The following TCHH variants were observed in gnomAD, a reference collection of about 807,000 sequenced individuals.
The protein encoded by TCHH is trichohyalin.
Under a neutral mutation model 6.3 loss-of-function variants are expected in TCHH, and 6 were observed. The observed-to-expected ratio is 0.95, with a 90% CI of 0.52 to 1.88. The LOEUF is 1.88. TCHH is among the 40% of genes most tolerant of loss of function. The pLI is 0.01. For synonymous variants in TCHH, 1,087 were observed against 963.6 expected (o/e 1.13, Z -2.37); for missense variants, 2,920 against 2,449.1 (o/e 1.19, Z -4.06).
At position 152,111,445 on chromosome 1, in the gene TCHH, T is replaced by A. The variant is rs776388579; in HGVS notation, c.1772A>T (p.Lys591Met). The A allele has an allele frequency of 1.3e-6, 2 of 1,596,294 alleles. No individual in the cohort carries two copies. Among genetic ancestry groups the A allele is most frequent in the South Asian group, 2.2e-5 (2 of 90,258 alleles). Residue 591 changes from lysine to methionine, a missense_variant, in exon 3 of 3, where the codon AAG (lysine) becomes ATG (methionine). By Grantham distance (95) the Lys-to-Met change is moderately conservative. Coordinates refer to ENST00000614923, the MANE Select transcript of TCHH (RefSeq NM_007113.4). ...CTCGAGCCTCTCTTCCTGCTCGCGC[T>A]TCAGCCGCTGCTGGCGCCTCTCCTC... ...REEERRQQRL[K>M]REQEERLEQR... is the part of the protein sequence containing the mutation.
chr1:152,114,891 A>G (rs1658473550), intron 1 of TCHH, among the ~76,000 whole-genome samples: 1 of 152,250 alleles, frequency 6.6e-6, no homozygotes, highest in Admixed American at 6.5e-5. Flanking sequence ...CAAATGCATC[A>G]TTGGAATCTT....
rs1237004081 is a variant in TCHH, at chr1:152,110,635, T to C, written c.2582A>G (p.Glu861Gly). 1 of 1,613,236 alleles carries C rather than the reference T, an allele frequency of 6.2e-7. No homozygotes were observed. The highest frequency in any genetic ancestry group is 2.2e-5 in the East Asian group (1 of 44,796). ...EEEDGLQEDQERRRSQEQRRD... is the reference protein window; with the variant it reads ...EEEDGLQEDQGRRRSQEQRRD... The stretch of plus-strand genomic sequence containing the variant: ...GCGCTGCTCCTGGCTTCGCCTCCTC[T>C]CCTGATCCTCCTGGAGGCCGTCCTC... The change falls in exon 3 of 3, where the codon GAG (glutamate) becomes GGG (glycine). Residue 861 changes from glutamate to glycine, a missense_variant. Glu to Gly is a moderately conservative substitution (Grantham distance 98). Transcript: ENST00000614923.
chr1:152,110,052 C>G lies in TCHH; in HGVS notation c.3165G>C (p.Glu1055Asp), dbSNP rs764111800. 5.6e-6 allele frequency: 9 copies of G among 1,609,638 alleles called. No individual in the cohort carries two copies. In the East Asian group the frequency reaches 2.0e-4, roughly 36 times the overall value. Residue 1055 changes from glutamate (E) to aspartate (D), a missense_variant, in exon 3 of 3, where the codon GAG (glutamate) becomes GAC (aspartate). Physicochemically the swap from Glu to Asp is conservative, Grantham distance 45 (BLOSUM62 2). Transcript: ENST00000614923. ...GCAGCTGCTCTTCCTCCTGCTGCAGCTCCTCTTCCTCCCGATATTGCCTCT... is the reference window on the plus strand; with the variant it reads ...GCAGCTGCTCTTCCTCCTGCTGCAGGTCCTCTTCCTCCCGATATTGCCTCT... The part of the protein sequence containing the change: ...ERERQYREEE[E>D]LQQEEEQLLG...
Position 152,109,500 on chromosome 1 carries a change from CTTG to C in TCHH, c.3714_3716del (p.Asn1238del). On this transcript the variant is annotated inframe_deletion, in exon 3 of 3. Transcript: ENST00000614923. ...CATTCTCTCTGCCTTTGCAGTAAAC[CTTG>C]TTATCACGAACTGCATTTTCTTTTT... 1 of 1,614,270 alleles carries C rather than the reference CTTG, an allele frequency of 6.2e-7. No individual in the cohort carries two copies. The highest frequency in any genetic ancestry group is 1.3e-5 in the African/African-American group (1 of 75,064).
At position 152,109,224 on chromosome 1, in the gene TCHH, A is replaced by G. The variant is rs1463725225; in HGVS notation, c.3993T>C (p.Arg1331=). ...LREEREEKRR[R]QETDRKFREE... is the part of the protein sequence containing the mutation. ...CGCGGAATTTTCTGTCTGTCTCTTGACGGCGTCTCTTCTCTTCTCTTTCCT... is the reference window on the plus strand; with the variant it reads ...CGCGGAATTTTCTGTCTGTCTCTTGGCGGCGTCTCTTCTCTTCTCTTTCCT... The change falls in exon 3 of 3, where the codon CGT becomes CGC. Residue 1331 remains arginine, a synonymous_variant. Transcript: ENST00000614923. 1 of 1,614,086 alleles carries G rather than the reference A, an allele frequency of 6.2e-7. No individual in the cohort carries two copies. The highest frequency in any genetic ancestry group is 8.5e-7 in the Non-Finnish European group (1 of 1,180,004).
chr1:152,115,290 C>G (rs1305101764), intron 1 of TCHH, 101 bp downstream of exon 1: 1 of 152,148 alleles, frequency 6.6e-6, no homozygotes, highest in Admixed American at 6.5e-5. Context: ...AATACTGATA[C>G]CTTCTGGCAC....
Position 152,110,200 on chromosome 1 carries a change from T to G in TCHH, c.3017A>C (p.Glu1006Ala). 1 of 1,609,222 alleles carries G rather than the reference T, an allele frequency of 6.2e-7. No individual in the cohort carries two copies. Among genetic ancestry groups the G allele is most frequent in the Non-Finnish European group, 8.5e-7 (1 of 1,178,452 alleles). The change falls in exon 3 of 3, where the codon GAG becomes GCG. Residue 1006 changes from glutamate to alanine, a missense_variant. Transcript: ENST00000614923. ...CTGGCGCCTTCTCTTCTCCCGTTCC[T>G]CTCTCAGCAGCTGCTCTTCCTCCTG... ...LQQEEEQLLR[E>A]EREKRRRQEW...
At position 152,109,067 on chromosome 1, in the gene TCHH, G is replaced by C. The variant is rs200849544; in HGVS notation, c.4150C>G (p.Arg1384Gly). 3 of 1,613,084 alleles carry C rather than the reference G, an allele frequency of 1.9e-6. No homozygotes were observed. The highest frequency in any genetic ancestry group is 1.7e-6 in the Non-Finnish European group (2 of 1,179,798). Reference sequence around the variant, plus strand: ...AATTTTCTCTCCCGTTCCTGGCGGCGCAGCCGCTGTTCCTCCTCGAGGAAT... The same window carrying C: ...AATTTTCTCTCCCGTTCCTGGCGGCCCAGCCGCTGTTCCTCCTCGAGGAAT... The part of the protein sequence containing the change: ...RKFLEEEQRL[R>G]RQERERKFLK... Residue 1384 changes from arginine (R) to glycine (G), a missense_variant, in exon 3 of 3, where the codon CGC becomes GGC. Coordinates refer to ENST00000614923, the MANE Select transcript of TCHH (RefSeq NM_007113.4).
intron 2 of TCHH, among the ~76,000 whole-genome samples, 156 bp from the exon 3 acceptor site, chr1:152,113,234 A>G (rs577048144): frequency 6.6e-6 from 1 of 152,224 alleles, no homozygotes; most frequent in South Asian, 2.1e-4. Flanking sequence ...GTCCCCATGT[A>G]AAATGTGAAC....
Position 152,108,821 on chromosome 1 carries a change from C to T in TCHH, c.4396G>A (p.Glu1466Lys), listed in dbSNP as rs762386774. 1 of 1,612,868 alleles carries T rather than the reference C, an allele frequency of 6.2e-7. No homozygotes were observed. The highest frequency in any genetic ancestry group is 8.5e-7 in the Non-Finnish European group (1 of 1,179,788). The stretch of plus-strand genomic sequence containing the variant: ...TCCCTTTCCTGGAGCAGCTGTTCCT[C>T]TTCGCGGAATTTTCTGTGACGCTCC... ...RQERHRKFRE[E>K]EQLLQEREEQ... The change falls in exon 3 of 3, where the codon GAG becomes AAG. Residue 1466 changes from glutamate (E) to lysine (K), a missense_variant. Transcript: ENST00000614923.
intron 2 of TCHH, among the ~76,000 whole-genome samples, 199 bp downstream of exon 2, chr1:152,113,744 A>G (rs1658444608): frequency 6.6e-6 from 1 of 152,244 alleles, no homozygotes; most frequent in Non-Finnish European, 1.5e-5. Context: ...TGGCCATGCC[A>G]TCAAGTACAT....
At position 152,109,181 on chromosome 1, in the gene TCHH, G is replaced by A. The variant is rs200200108; in HGVS notation, c.4036C>T (p.Gln1346Ter). 1 of 1,613,396 alleles carries A rather than the reference G, an allele frequency of 6.2e-7. No homozygotes were observed. The highest frequency in any genetic ancestry group is 1.1e-5 in the South Asian group (1 of 91,040). ...CGCAGCGGCTGTTCCTCCCTTTCCT[G>A]GAGCAGCTGTTCCTCCTCGCGGAAT... The part of the protein sequence containing the change: ...RKFREEEQLL[Q>*]EREEQPLRRQ... Residue 1346 changes from glutamine (Q) to a stop codon, truncating the protein, a stop_gained, in exon 3 of 3, where the codon CAG becomes TAG. Transcript: ENST00000614923. LOFTEE classifies it low-confidence loss of function (END_TRUNC).
Position 152,112,876 on chromosome 1 carries a change from C to T in TCHH, c.341G>A (p.Arg114Lys), listed in dbSNP as rs1409168257. The T allele has an allele frequency of 6.2e-7, 1 of 1,613,770 alleles. No individual in the cohort carries two copies. Among genetic ancestry groups the T allele is most frequent in the Non-Finnish European group, 8.5e-7 (1 of 1,180,022 alleles). The stretch of plus-strand genomic sequence containing the variant: ...GAATCTCCTTTGGTCTTCTTCTTGC[C>T]TGCGATCTTGTAACAGGCTCTCCTT... ...DGKESLLQDR[R>K]QEEDQRRFEP... The change falls in exon 3 of 3, where the codon AGG becomes AAG. Residue 114 changes from arginine (R) to lysine (K), a missense_variant. By Grantham distance (26) the Arg-to-Lys change is conservative. Transcript: ENST00000614923.
In TCHH at chr1:152,111,081, G is replaced by A. The variant is rs1383060891; in HGVS notation, c.2136C>T (p.Ala712=). Reference sequence around the variant, plus strand: ...AGTAGACTTTGCTTTGCCGTGCGTCGGCCTCGCTTTCTAGCTGCCACTGCC... The same window carrying A: ...AGTAGACTTTGCTTTGCCGTGCGTCAGCCTCGCTTTCTAGCTGCCACTGCC... The part of the protein sequence containing the change: ...PKWQWQLESE[A]DARQSKVYSR... The change falls in exon 3 of 3, where the codon GCC becomes GCT. Residue 712 remains alanine, a synonymous_variant. Transcript: ENST00000614923. 2.5e-6 allele frequency: 4 copies of A among 1,613,432 alleles called. No homozygotes were observed. Among genetic ancestry groups the A allele is most frequent in the South Asian group, 2.2e-5 (2 of 91,076 alleles).
Position 152,111,289 on chromosome 1 carries a change from C to T in TCHH, c.1928G>A (p.Arg643His), listed in dbSNP as rs1324180826. 1 of 1,601,352 alleles carries T rather than the reference C, an allele frequency of 6.2e-7. No individual in the cohort carries two copies. The highest frequency in any genetic ancestry group is 1.1e-5 in the South Asian group (1 of 90,382). Residue 643 changes from arginine (R) to histidine (H), a missense_variant, in exon 3 of 3, where the codon CGC (arginine) becomes CAC (histidine). Transcript: ENST00000614923. ...CTGCTCGCGCCTTAGTTGCTGCTGG[C>T]GCCTCTCCTCCTGCTCCTCGCTCTT... ...LLKSEEQEER[R>H]QQQLRREQQE...
At position 152,111,920 on chromosome 1, in the gene TCHH, T is replaced by C. The variant is rs1419342141; in HGVS notation, c.1297A>G (p.Arg433Gly). Residue 433 changes from arginine (R) to glycine (G), a missense_variant, in exon 3 of 3, where the codon AGG becomes GGG. Transcript: ENST00000614923. The part of the protein sequence containing the change: ...QQLRREQEEE[R>G]HEQKHEQERR... ...TCCTGCTCGTGCTTCTGCTCGTGCCTCTCCTCCTCCTGCTCGCGCCTCAGC... is the reference window on the plus strand; with the variant it reads ...TCCTGCTCGTGCTTCTGCTCGTGCCCCTCCTCCTCCTGCTCGCGCCTCAGC... 2.0e-6 allele frequency: 3 copies of C among 1,524,606 alleles called. No individual in the cohort carries two copies. Among genetic ancestry groups the C allele is most frequent in the Non-Finnish European group, 2.6e-6 (3 of 1,136,580 alleles). 94.4% of individuals were successfully genotyped at this position (1,524,606 alleles called of 1,614,324 possible).
rs1572159118 is a variant in TCHH, at chr1:152,111,885, C to T, written c.1332G>A (p.Glu444=). The T allele has an allele frequency of 6.2e-7, 1 of 1,609,116 alleles. No individual in the cohort carries two copies. The highest frequency in any genetic ancestry group is 1.4e-5 in the African/African-American group (1 of 74,014). ...CCTCCTGCTCGCGCTTCAGCCGCTGCTCGCGCCTCTCCTGCTCGTGCTTCT... is the reference window on the plus strand; with the variant it reads ...CCTCCTGCTCGCGCTTCAGCCGCTGTTCGCGCCTCTCCTGCTCGTGCTTCT... ...HEQKHEQERR[E]QRLKREQEER... is the part of the protein sequence containing the mutation. Residue 444 remains glutamate (E), a synonymous_variant, in exon 3 of 3, where the codon GAG becomes GAA. Transcript: ENST00000614923.
chr1:152,112,595 C>G lies in TCHH; in HGVS notation c.622G>C (p.Glu208Gln). Residue 208 changes from glutamate to glutamine, a missense_variant, in exon 3 of 3, where the codon GAG becomes CAG. Physicochemically the swap from Glu to Gln is conservative, Grantham distance 29 (BLOSUM62 2). Transcript: ENST00000614923. Reference sequence around the variant, plus strand: ...AGCAGCTCCCGCCTTCGCAGTTGCTCTTCGTCTGGAAACTCCTCAGTTTCG... The same window carrying G: ...AGCAGCTCCCGCCTTCGCAGTTGCTGTTCGTCTGGAAACTCCTCAGTTTCG... ...GHETEEFPDE[E>Q]QLRRRELLEL... 6.2e-7 allele frequency: 1 copy of G among 1,613,732 alleles called. No individual in the cohort carries two copies. Among genetic ancestry groups the G allele is most frequent in the Non-Finnish European group, 8.5e-7 (1 of 1,180,036 alleles).
rs759832457 is a variant in TCHH at position 152,108,053 on chromosome 1, C to T, written c.5164G>A (p.Glu1722Lys). The change falls in exon 3 of 3, where the codon GAG (glutamate) becomes AAG (lysine). Residue 1722 changes from glutamate to lysine, a missense_variant. Transcript: ENST00000614923. ...TGTTCCTCCTCACGGAATTTTCTCT[C>T]CAGTTCCTGGCGGCGCAGCTGCTGT... ...EEQQLRRQEL[E>K]RKFREEEQLR... 1.2e-6 allele frequency: 2 copies of T among 1,613,564 alleles called. No individual in the cohort carries two copies. Among genetic ancestry groups the T allele is most frequent in the Non-Finnish European group, 1.7e-6 (2 of 1,179,916 alleles).
Sources: allele counts gnomAD v4.1 joint callset (sites outside exome capture counted in the v4.1 genomes callset), GRCh38; gene constraint gnomAD v4.1.1; transcripts MANE v1.5; gene names NCBI Gene and HGNC (gene_info 2026-07-23, HGNC 2026-07-21).